The following HNRNPUL2 variants were observed in gnomAD, a reference collection of about 807,000 sequenced individuals.
HNRNPUL2 encodes heterogeneous nuclear ribonucleoprotein U like 2.
HNRNPUL2 carries 27 observed loss-of-function variants against 102.2 expected under a neutral mutation model. The observed-to-expected ratio is 0.26, with a 90% CI of 0.19 to 0.36. The LOEUF (loss-of-function observed/expected upper bound fraction) is 0.36. Ranked by LOEUF, HNRNPUL2 falls within the 10% of genes least tolerant of loss-of-function variation. HNRNPUL2 has a pLI of 1.00. For missense variants in HNRNPUL2, 936 were observed against 981.1 expected (o/e 0.95, Z 0.61); for synonymous variants, 458 against 387.2 (o/e 1.18, Z -2.15).
rs2134762862 is a variant in HNRNPUL2, at chr11:62,713,199, T to TA, written c.*2099dup. The TA allele has an allele frequency of 6.6e-6, 1 of 152,280 alleles. No homozygotes were observed. The highest frequency in any genetic ancestry group is 1.5e-5 in the Non-Finnish European group (1 of 68,002). The allele number at this position is 152,280 out of a possible 1,614,324, so 9.4% of individuals were successfully genotyped here. ...TGATTTAGTTTAGTCCCCTTGCCCC[T>TA]AAGGGCCCTAGCATCCCCATCCATG... is the stretch of plus-strand genomic sequence containing the variant. On this transcript the variant is annotated 3_prime_UTR_variant, in exon 14 of 14. Coordinates refer to ENST00000301785, the MANE Select transcript of HNRNPUL2 (RefSeq NM_001079559.3).
Position 62,727,425 on chromosome 11 carries a change from C to A in HNRNPUL2, c.-269G>T. ...TGTTTCCCCTCCAGGCCCTTGGTTC[C>A]CCAGCCGCGGGCAGGCGCGCGCGGA... On this transcript the variant is annotated 5_prime_UTR_variant, in exon 1 of 14. Transcript: ENST00000301785. 3.0e-6 allele frequency: 1 copy of A among 334,442 alleles called. No individual in the cohort carries two copies. The highest frequency in any genetic ancestry group is 5.1e-6 in the Non-Finnish European group (1 of 196,130). 20.7% of individuals were successfully genotyped at this position (334,442 alleles called of 1,614,324 possible). A position where few individuals can be genotyped will look rare whatever the true frequency, so the allele number is the denominator to read the frequency against.
chr11:62,720,546 C>A (rs1590897479), intron 9 of HNRNPUL2, among the ~76,000 whole-genome samples: 2 of 131,518 alleles, frequency 1.5e-5, no homozygotes, highest in Admixed American at 7.2e-5. Flanking sequence ...GATTCCATCT[C>A]AAAAAAAAAA....
rs536604269 is a variant in HNRNPUL2, at chr11:62,721,688, C to T, written c.1482+132G>A. 7.4e-5 allele frequency: 84 copies of T among 1,138,996 alleles called. No homozygotes were observed. The African/African-American group carries it at 1.2e-3, about 17-fold the overall frequency. 70.6% of individuals were successfully genotyped at this position (1,138,996 alleles called of 1,614,324 possible). ...AAAAAAAAAATCAATCCACCTAAAA[C>T]GCATAGAGAAAAATCTCATTTCTCT... On this transcript the variant is annotated intron_variant, in intron 8 of 13. Transcript: ENST00000301785.
In HNRNPUL2 at chr11:62,727,194, C is replaced by A; in HGVS notation, c.-38G>T. The A allele has an allele frequency of 7.2e-7, 1 of 1,381,456 alleles. No individual in the cohort carries two copies. Among genetic ancestry groups the A allele is most frequent in the Non-Finnish European group, 9.4e-7 (1 of 1,068,654 alleles). 85.6% of individuals were successfully genotyped at this position (1,381,456 alleles called of 1,614,324 possible). A position where few individuals can be genotyped will look rare whatever the true frequency, so the allele number is the denominator to read the frequency against. On this transcript the variant is annotated 5_prime_UTR_variant, in exon 1 of 14. Transcript: ENST00000301785. ...CTCCTCCGCCTCCCGCCGCCTCCTC[C>A]CCTGCGAACCGTCGACCGAGTCCGA...
intron 1 of HNRNPUL2, among the ~76,000 whole-genome samples, chr11:62,725,266 C>T (rs907876345): frequency 4.6e-5 from 7 of 152,188 alleles, no homozygotes; most frequent in African/African-American, 1.7e-4. Flanking sequence ...GGCGCGATCT[C>T]AGCTCACCGC....
intron 6 of HNRNPUL2, 52 bp downstream of exon 6, chr11:62,722,549 A>C: frequency 6.8e-7 from 1 of 1,478,494 alleles, no homozygotes; most frequent in Non-Finnish European, 9.5e-7. Context: ...GTGAATTCCC[A>C]GTGCCCTCTA....
In HNRNPUL2 at chr11:62,727,360, C is replaced by T. The variant is rs577242149; in HGVS notation, c.-204G>A. 18 of 579,248 alleles carry T rather than the reference C, an allele frequency of 3.1e-5. No homozygotes were observed. The highest frequency in any genetic ancestry group is 9.5e-5 in the Admixed American group (2 of 21,104). 35.9% of individuals were successfully genotyped at this position (579,248 alleles called of 1,614,324 possible). ...TTGCTTCTCCTTCGTCTCCCCTCCC[C>T]CTTTCGGCTCACGGAGCCCAAAACA... On this transcript the variant is annotated 5_prime_UTR_variant, in exon 1 of 14. Transcript: ENST00000301785.
chr11:62,719,943 G>A, intron 10 of HNRNPUL2, 80 bp downstream of exon 10: 1 of 1,334,438 alleles, frequency 7.5e-7, no homozygotes, highest in Non-Finnish European at 1.1e-6. Flanking sequence ...CAGAATGAGG[G>A]AAATAAACCT....
In HNRNPUL2 at chr11:62,714,126, A is replaced by G. The variant is rs2083639844; in HGVS notation, c.*1173T>C. The G allele has an allele frequency of 6.8e-6, 1 of 147,530 alleles. No individual in the cohort carries two copies. The allele number at this position is 147,530 out of a possible 1,614,324, so 9.1% of individuals were successfully genotyped here. A position where few individuals can be genotyped will look rare whatever the true frequency, so the allele number is the denominator to read the frequency against. ...TTCCCAAGGTTCAGCAGCCCCACTG[A>G]GCTGCCTCCCACCCCCCCCCACCAC... On this transcript the variant is annotated 3_prime_UTR_variant, in exon 14 of 14. Transcript: ENST00000301785.
Position 62,715,912 on chromosome 11 carries a change from G to T in HNRNPUL2, c.2007C>A (p.Asp669Glu). ...GYVGGQRRGY[D>E]NRAYGQQYWG... is the part of the protein sequence containing the mutation. ...AGTACTGCTGCCCGTAGGCCCGGTT[G>T]TCGTAGCCTCGGCGCTGCCCGCCCA... The change falls in exon 12 of 14, where the codon GAC becomes GAA. Residue 669 changes from aspartate to glutamate, a missense_variant. Physicochemically the swap from Asp to Glu is conservative, Grantham distance 45. Around this residue, in one of 2 missense-constraint regions of HNRNPUL2, gnomAD observed 609 missense variants for 713.0 expected, o/e 0.85. Transcript: ENST00000301785. 6.2e-7 allele frequency: 1 copy of T among 1,610,872 alleles called. No individual in the cohort carries two copies.
At chr11:62,726,581 C>G (rs747705930) in intron 1 of HNRNPUL2, 38 bp downstream of exon 1, 12 of 1,486,680 alleles carry the variant, frequency 8.1e-6, no homozygotes, top group Admixed American at 2.2e-5. Flanking sequence ...GGGGCGCAGC[C>G]GGCAGGTTGG....
At position 62,724,005 on chromosome 11, in the gene HNRNPUL2, T is replaced by C. The variant is rs369588294; in HGVS notation, c.675-15A>G. The C allele has an allele frequency of 1.4e-4, 221 of 1,602,054 alleles. 2 individuals carry two copies. Among genetic ancestry groups the C allele is most frequent in the Admixed American group, 2.3e-4 (14 of 59,818 alleles). ...GAGACTTTGAGCTATATATGTAAGATAGAAAAGAAACACAATGTAAACAAA... is the reference window on the plus strand; with the variant it reads ...GAGACTTTGAGCTATATATGTAAGACAGAAAAGAAACACAATGTAAACAAA... On this transcript the variant is annotated splice_polypyrimidine_tract_variant and intron_variant, in intron 2 of 13. Transcript: ENST00000301785.
intron 2 of HNRNPUL2, 57 bp from the exon 3 acceptor site, chr11:62,724,047 GGT>G (rs1234309686): frequency 7.8e-6 from 11 of 1,404,194 alleles, no homozygotes; most frequent in African/African-American, 1.4e-5. Context: ...TTCTTTGAGG[GGT>G]GTGTGTGTAT....
At position 62,727,383 on chromosome 11, in the gene HNRNPUL2, A is replaced by T. The variant is rs1000826593; in HGVS notation, c.-227T>A. 8 of 463,108 alleles carry T rather than the reference A, an allele frequency of 1.7e-5. No individual in the cohort carries two copies. The highest frequency in any genetic ancestry group is 2.6e-5 in the Non-Finnish European group (8 of 302,994). The allele number at this position is 463,108 out of a possible 1,614,324, so 28.7% of individuals were successfully genotyped here. A position where few individuals can be genotyped will look rare whatever the true frequency, so the allele number is the denominator to read the frequency against. On this transcript the variant is annotated 5_prime_UTR_variant, in exon 1 of 14. Transcript: ENST00000301785. ...CCCCTTTCGGCTCACGGAGCCCAAA[A>T]CAACGCAGCAGGGAGCTGTTTCCCC...
intron 9 of HNRNPUL2, 31 bp downstream of exon 9, chr11:62,721,264 T>C (rs1367636844): frequency 2.5e-6 from 4 of 1,589,052 alleles, no homozygotes; most frequent in South Asian, 1.2e-5. Context: ...ACATCCCACC[T>C]TGACTCTAGG....
chr11:62,713,794 G>C lies in HNRNPUL2; in HGVS notation c.*1505C>G, dbSNP rs1345643118. ...CTCACTAGGAACTGCTGCAGTATGTGGTGTCTGCTGAGTAAGCTCTTGGCT... is the reference window on the plus strand; with the variant it reads ...CTCACTAGGAACTGCTGCAGTATGTCGTGTCTGCTGAGTAAGCTCTTGGCT... On this transcript the variant is annotated 3_prime_UTR_variant, in exon 14 of 14. Coordinates refer to ENST00000301785, the MANE Select transcript of HNRNPUL2 (RefSeq NM_001079559.3). 6.6e-6 allele frequency: 1 copy of C among 152,250 alleles called. No individual in the cohort carries two copies. Among genetic ancestry groups the C allele is most frequent in the Non-Finnish European group, 1.5e-5 (1 of 68,060 alleles). The allele number at this position is 152,250 out of a possible 1,614,324, so 9.4% of individuals were successfully genotyped here.
At position 62,726,861 on chromosome 11, in the gene HNRNPUL2, G is replaced by C. The variant is rs1187580237; in HGVS notation, c.296C>G (p.Pro99Arg). Residue 99 changes from proline to arginine, a missense_variant, in exon 1 of 14, where the codon CCT becomes CGT. Pro to Arg is a moderately radical substitution (Grantham distance 103). Coordinates refer to ENST00000301785, the MANE Select transcript of HNRNPUL2 (RefSeq NM_001079559.3). ...LLEDEDEEPP[P>R]AQALGQAAQP... is the part of the protein sequence containing the mutation. Reference sequence around the variant, plus strand: ...CGCGGCCTGACCCAAGGCTTGAGCAGGGGGTGGCTCCTCGTCCTCGTCCTC... The same window carrying C: ...CGCGGCCTGACCCAAGGCTTGAGCACGGGGTGGCTCCTCGTCCTCGTCCTC... The C allele has an allele frequency of 6.3e-7, 1 of 1,584,578 alleles. No individual in the cohort carries two copies. Among genetic ancestry groups the C allele is most frequent in the Non-Finnish European group, 8.5e-7 (1 of 1,173,584 alleles).
At chr11:62,726,544 T>C in intron 1 of HNRNPUL2, 75 bp downstream of exon 1, 1 of 1,387,014 alleles carries the variant, frequency 7.2e-7, no homozygotes. Flanking sequence ...ACTCGGACCC[T>C]GCGGTGCAGG....
At chr11:62,722,973 C>T in intron 4 of HNRNPUL2, 70 bp from the exon 5 acceptor site, 3 of 1,158,010 alleles carry the variant, frequency 2.6e-6, no homozygotes, top group South Asian at 2.6e-5. Context: ...GTTCGAAGGA[C>T]AAGATTTTTA....
Sources: gnomAD v4.1 joint callset for allele counts (sites outside exome capture counted in the v4.1 genomes callset) on GRCh38, gnomAD v4.1.1 for gene constraint, gnomAD v4.1.1 regional missense constraint, MANE v1.5 for transcripts, NCBI Gene and HGNC (gene_info 2026-07-23, HGNC 2026-07-21) for gene names.